CCDC6: variants seen among roughly 807,000 people sequenced by gnomAD.
CCDC6 encodes the protein coiled-coil domain-containing protein 6.
A neutral mutation model predicts 56.6 loss-of-function variants in CCDC6; 20 were observed. That is an observed-to-expected ratio of 0.35 (90% CI 0.25 to 0.51). The LOEUF is 0.51. CCDC6 is among the 20% of genes least tolerant of loss of function. The pLI is 0.95. For missense variants in CCDC6, 367 were observed against 601.1 expected (o/e 0.61, Z 4.07); for synonymous variants, 241 against 234.4 (o/e 1.03, Z -0.26).
intron 1 of CCDC6, among the ~76,000 whole-genome samples, chr10:59,862,514 T>TATATACACACAC (rs2071139192): frequency 1.4e-5 from 1 of 73,046 alleles, no homozygotes; most frequent in Non-Finnish European, 2.6e-5. Context: ...TATATATATA[T>TATATACACACAC]ATACACACAC....
Position 59,872,590 on chromosome 10 carries a change from GTTATTGATGTATGAACAT to G in CCDC6, c.304-19906_304-19889del, listed in dbSNP as rs1376128888. Among the ~76,000 whole-genome samples, 4 of 152,292 alleles carry G rather than the reference GTTATTGATGTATGAACAT, an allele frequency of 2.6e-5. No homozygotes were observed. The East Asian group carries it at 7.7e-4, about 29-fold the overall frequency. ...ATAAGGCTGGCTTTGTGAGTTGGAG[GTTATTGATGTATGAACAT>G]TTTCTAGTTTTCAGTGAGTAAAGAG... On this transcript the variant is annotated intron_variant, in intron 1 of 8. Coordinates refer to ENST00000263102, the MANE Select transcript of CCDC6 (RefSeq NM_005436.5).
intron 1 of CCDC6, among the ~76,000 whole-genome samples, chr10:59,857,484 C>T (rs950862191): frequency 6.6e-6 from 1 of 152,174 alleles, no homozygotes; most frequent in Non-Finnish European, 1.5e-5. Context: ...CACAATAGCA[C>T]TCAACCACTG....
chr10:59,795,369 G>A (rs541043883), intron 7 of CCDC6, among the ~76,000 whole-genome samples: 24 of 152,142 alleles, frequency 1.6e-4, no homozygotes, highest in African/African-American at 4.8e-4. Flanking sequence ...ATGAAAAGAC[G>A]ATTATCACCA....
At chr10:59,855,772 T>G (rs950100543) in intron 1 of CCDC6, among the ~76,000 whole-genome samples, 1 of 152,178 alleles carries the variant, frequency 6.6e-6, no homozygotes, top group African/African-American at 2.4e-5. Context: ...AATTGAATTA[T>G]ATCTTGATTT....
chr10:59,904,858 G>A (rs1042145195), intron 1 of CCDC6, among the ~76,000 whole-genome samples: 6 of 152,148 alleles, frequency 3.9e-5, no homozygotes, highest in African/African-American at 1.2e-4. Flanking sequence ...AGCACTGGGG[G>A]TGTACACACG....
chr10:59,812,495 G>T, intron 5 of CCDC6, 140 bp downstream of exon 5: 2 of 529,700 alleles, frequency 3.8e-6, no homozygotes, highest in Non-Finnish European at 6.1e-6. Context: ...CCAGGATGAT[G>T]AACTTAAGTA....
intron 1 of CCDC6, among the ~76,000 whole-genome samples, chr10:59,866,125 G>C (rs557895176): frequency 6.6e-6 from 1 of 152,284 alleles, no homozygotes; most frequent in Non-Finnish European, 1.5e-5. Context: ...CTGTGATGGA[G>C]AATCTCCTGC....
At position 59,862,546 on chromosome 10, in the gene CCDC6, CACACACACACATATATATACACAT is replaced by C. The variant is rs1288350663; in HGVS notation, c.304-9868_304-9845del. Among the ~76,000 whole-genome samples, 3 of 102,224 alleles carry C rather than the reference CACACACACACATATATATACACAT, an allele frequency of 2.9e-5. 1 individual carries two copies. Among genetic ancestry groups the C allele is most frequent in the Admixed American group, 2.7e-4 (3 of 11,008 alleles). 67.1% of individuals were successfully genotyped at this position (102,224 alleles called of 152,430 possible). A position where few individuals can be genotyped will look rare whatever the true frequency, so the allele number is the denominator to read the frequency against. On this transcript the variant is annotated intron_variant, in intron 1 of 8. Coordinates refer to ENST00000263102, the MANE Select transcript of CCDC6 (RefSeq NM_005436.5). ...ACACACACACACACACACACACACA[CACACACACACATATATATACACAT>C]ACACACACACACACATATATAAAAC...
At chr10:59,901,563 A>C (rs925531456) in intron 1 of CCDC6, among the ~76,000 whole-genome samples, 1 of 152,158 alleles carries the variant, frequency 6.6e-6, no homozygotes, top group Non-Finnish European at 1.5e-5. Flanking sequence ...ATTTCCCTTA[A>C]CTTCTACAAT....
At chr10:59,902,232 C>A (rs918286788) in intron 1 of CCDC6, among the ~76,000 whole-genome samples, 2 of 152,056 alleles carry the variant, frequency 1.3e-5, no homozygotes, top group Non-Finnish European at 2.9e-5. Context: ...ACCAGAATAG[C>A]CGCTTACATA....
chr10:59,810,593 A>G (rs1262023612), intron 5 of CCDC6, among the ~76,000 whole-genome samples: 1 of 152,170 alleles, frequency 6.6e-6, no homozygotes, highest in African/African-American at 2.4e-5. Context: ...TAAAATAACT[A>G]ATATTTGAGA....
chr10:59,858,727 G>T lies in CCDC6; in HGVS notation c.304-6025C>A, dbSNP rs563988350. On this transcript the variant is annotated intron_variant, in intron 1 of 8. Transcript: ENST00000263102. The stretch of plus-strand genomic sequence containing the variant: ...AAACACTCAACCTGGTCCATACCTG[G>T]TTCAAGAAGATGGGTTCACTGGTCA... 6.6e-5 allele frequency among the ~76,000 whole-genome samples: 10 copies of T among 152,298 alleles called. No homozygotes were observed. The East Asian group carries it at 1.9e-3, about 29-fold the overall frequency.
At chr10:59,819,043 A>T (rs1354526659) in intron 3 of CCDC6, among the ~76,000 whole-genome samples, 1 of 152,212 alleles carries the variant, frequency 6.6e-6, no homozygotes, top group Non-Finnish European at 1.5e-5. Flanking sequence ...GGTTTTCATT[A>T]ATCTTTAATA....
At position 59,788,974 on chromosome 10, in the gene CCDC6, T is replaced by A. The variant is rs548992194; in HGVS notation, c.*3943A>T. Reference sequence around the variant, plus strand: ...GAACAACATACAGTGTGCACAGATATGCAGAGGCAAAAGGCATGCTAGCGC... The same window carrying A: ...GAACAACATACAGTGTGCACAGATAAGCAGAGGCAAAAGGCATGCTAGCGC... On this transcript the variant is annotated 3_prime_UTR_variant, in exon 9 of 9. Transcript: ENST00000263102. The A allele has an allele frequency of 4.6e-6, 1 of 218,234 alleles. No individual in the cohort carries two copies. Among genetic ancestry groups the A allele is most frequent in the Non-Finnish European group, 9.2e-6 (1 of 108,682 alleles). 13.5% of individuals were successfully genotyped at this position (218,234 alleles called of 1,614,324 possible). A position where few individuals can be genotyped will look rare whatever the true frequency, so the allele number is the denominator to read the frequency against.
At chr10:59,841,702 C>G (rs2070941042) in intron 2 of CCDC6, among the ~76,000 whole-genome samples, 1 of 151,418 alleles carries the variant, frequency 6.6e-6, no homozygotes, top group African/African-American at 2.4e-5. Flanking sequence ...CGGAGTCACT[C>G]TGTCGCCCAG....
intron 6 of CCDC6, 141 bp downstream of exon 6, chr10:59,806,781 T>C (rs1057431063): frequency 3.0e-5 from 18 of 608,240 alleles, no homozygotes; most frequent in Middle Eastern, 3.0e-4. Flanking sequence ...GCATCTACTA[T>C]AACGCAGTGG....
At chr10:59,799,332 G>A (rs2070553265) in intron 7 of CCDC6, among the ~76,000 whole-genome samples, 1 of 151,426 alleles carries the variant, frequency 6.6e-6, no homozygotes, top group South Asian at 2.1e-4. Flanking sequence ...CTTGGGAGCT[G>A]TAATCCCAGC....
At chr10:59,851,148 A>G (rs947005170) in intron 2 of CCDC6, among the ~76,000 whole-genome samples, 6 of 150,872 alleles carry the variant, frequency 4.0e-5, no homozygotes, top group African/African-American at 1.5e-4. Context: ...AAAAAAAAAA[A>G]AAAAAAAGGT....
chr10:59,853,134 C>T (rs1333183678), intron 1 of CCDC6, among the ~76,000 whole-genome samples: 3 of 152,138 alleles, frequency 2.0e-5, no homozygotes, highest in African/African-American at 7.2e-5. Flanking sequence ...AATATCTGGG[C>T]AACATTTTTT....
Sources: gnomAD v4.1 joint callset for allele counts (sites outside exome capture counted in the v4.1 genomes callset) on GRCh38, gnomAD v4.1.1 for gene constraint, MANE v1.5 for transcripts, NCBI Gene and HGNC (gene_info 2026-07-23, HGNC 2026-07-21) for gene names.